IL1RAPL2: variants seen among roughly 807,000 people sequenced by gnomAD.
The protein encoded by IL1RAPL2 is interleukin 1 receptor accessory protein like 2, also known as X-linked interleukin-1 receptor accessory protein-like 2.
Under a neutral mutation model 44.1 loss-of-function variants are expected in IL1RAPL2, and 3 were observed. The observed-to-expected ratio is 0.07, with a 90% CI of 0.03 to 0.18. IL1RAPL2 has a LOEUF of 0.18. IL1RAPL2 is among the 10% of genes least tolerant of loss of function. The probability of loss-of-function intolerance (pLI) is 1.00; values close to 1 mark genes in which losing one functional copy is unlikely to be tolerated. For synonymous variants in IL1RAPL2, 181 were observed against 178.8 expected, an observed-to-expected ratio of 1.01 and a Z score of -0.10; for missense variants, 391 against 496.4, an observed-to-expected ratio of 0.79 and a Z score of 2.02.
intron 5 of IL1RAPL2, among the ~76,000 whole-genome samples, chrX:105,309,628 A>T (rs1197116809): frequency 9.2e-6 from 1 of 108,302 alleles, no homozygotes; most frequent in East Asian, 3.0e-4. Context: ...GCTACTCGGG[A>T]GGCTGAGGCA....
At chrX:104,883,103 C>T (rs985524655) in intron 2 of IL1RAPL2, among the ~76,000 whole-genome samples, 2 of 111,602 alleles carry the variant, frequency 1.8e-5, no homozygotes, top group East Asian at 2.8e-4. Context: ...TTGAAGTCAG[C>T]GAGACCAAGA....
At chrX:105,764,364 C>T (rs1297821324) in intron 10 of IL1RAPL2, among the ~76,000 whole-genome samples, 2 of 111,793 alleles carry the variant, frequency 1.8e-5, no homozygotes, top group African/African-American at 6.5e-5. Context: ...GAAAATGTTA[C>T]CCTGTTCCTT....
At chrX:105,038,521 C>A (rs1399746497) in intron 2 of IL1RAPL2, among the ~76,000 whole-genome samples, 1 of 111,124 alleles carries the variant, frequency 9.0e-6, no homozygotes, top group Non-Finnish European at 1.9e-5. Flanking sequence ...GGTGGAAGAG[C>A]AGTGGCTGTA....
intron 2 of IL1RAPL2, among the ~76,000 whole-genome samples, chrX:105,121,692 T>G (rs1053753782): frequency 1.8e-5 from 2 of 111,435 alleles, no homozygotes; most frequent in Non-Finnish European, 3.8e-5. Flanking sequence ...TCAAGTGGTG[T>G]TAGAAAGAAA....
intron 6 of IL1RAPL2, among the ~76,000 whole-genome samples, chrX:105,547,192 G>A (rs1469734632): frequency 8.9e-6 from 1 of 112,461 alleles, no homozygotes; most frequent in Non-Finnish European, 1.9e-5. Context: ...TGAGCTTTAA[G>A]TACAAATCAA....
intron 5 of IL1RAPL2, among the ~76,000 whole-genome samples, chrX:105,333,976 A>G (rs1445771479): frequency 8.9e-6 from 1 of 111,800 alleles, no homozygotes; most frequent in African/African-American, 3.3e-5. Flanking sequence ...CTCCTATAAA[A>G]AACTAAAAAT....
chrX:105,696,546 C>A (rs1392357232), intron 6 of IL1RAPL2, among the ~76,000 whole-genome samples: 1 of 111,420 alleles, frequency 9.0e-6, no homozygotes, highest in Non-Finnish European at 1.9e-5. Context: ...ATCCACCCCC[C>A]CCACAAAAGT....
chrX:105,411,804 A>G (rs746234411), intron 5 of IL1RAPL2, among the ~76,000 whole-genome samples: 2 of 112,117 alleles, frequency 1.8e-5, no homozygotes, highest in Admixed American at 9.5e-5. Flanking sequence ...GACCAAATGT[A>G]TCTAACAAAC....
At chrX:105,421,046 C>T (rs1193045767) in intron 5 of IL1RAPL2, among the ~76,000 whole-genome samples, 1 of 111,903 alleles carries the variant, frequency 8.9e-6, no homozygotes, top group African/African-American at 3.2e-5. Flanking sequence ...TGTGACACAG[C>T]CTTAGCGTGT....
At chrX:105,403,268 T>G (rs1255766336) in intron 5 of IL1RAPL2, among the ~76,000 whole-genome samples, 1 of 112,026 alleles carries the variant, frequency 8.9e-6, no homozygotes, top group Non-Finnish European at 1.9e-5. Flanking sequence ...GGAAGATACA[T>G]TTTTGTTTCC....
chrX:105,281,090 G>C (rs2034528576), intron 5 of IL1RAPL2, among the ~76,000 whole-genome samples: 1 of 111,894 alleles, frequency 8.9e-6, no homozygotes, highest in Non-Finnish European at 1.9e-5. Flanking sequence ...ATACTGTGCA[G>C]CCATAAAAAA....
intron 6 of IL1RAPL2, among the ~76,000 whole-genome samples, chrX:105,538,552 A>G (rs2036696480): frequency 8.9e-6 from 1 of 111,980 alleles, no homozygotes; most frequent in East Asian, 2.8e-4. Context: ...TTTAAGATAT[A>G]TTCACATTAC....
intron 2 of IL1RAPL2, among the ~76,000 whole-genome samples, chrX:104,929,507 T>A (rs767812922): frequency 8.9e-6 from 1 of 111,822 alleles, no homozygotes; most frequent in East Asian, 2.8e-4. Context: ...AATTCCACTG[T>A]CTTACCTCAA....
At chrX:105,087,870 T>G in intron 2 of IL1RAPL2, among the ~76,000 whole-genome samples, 1 of 112,170 alleles carries the variant, frequency 8.9e-6, no homozygotes, top group Non-Finnish European at 1.9e-5. Flanking sequence ...CTGGAGTTGC[T>G]TTTGTGTTCT....
chrX:105,227,084 G>T (rs1236591457), intron 3 of IL1RAPL2, among the ~76,000 whole-genome samples: 1 of 74,537 alleles, frequency 1.3e-5, no homozygotes, highest in Non-Finnish European at 2.5e-5. Context: ...GGTGGGGGGA[G>T]GGGGGAGGGA....
At chrX:104,862,672 C>T (rs760615064) in intron 2 of IL1RAPL2, among the ~76,000 whole-genome samples, 2 of 111,388 alleles carry the variant, frequency 1.8e-5, no homozygotes, top group Non-Finnish European at 3.8e-5. Flanking sequence ...GTTATGGTGA[C>T]CCTAACAAAT....
At chrX:105,483,335 A>T (rs1396868091) in intron 5 of IL1RAPL2, among the ~76,000 whole-genome samples, 1 of 111,465 alleles carries the variant, frequency 9.0e-6, no homozygotes, top group East Asian at 2.8e-4. Context: ...TTTTTAATTC[A>T]TGGTGCTCAC....
At chrX:104,889,031 C>T (rs761708316) in intron 2 of IL1RAPL2, among the ~76,000 whole-genome samples, 7 of 111,131 alleles carry the variant, frequency 6.3e-5, no homozygotes, top group Non-Finnish European at 9.4e-5. Flanking sequence ...ACCCCATCAG[C>T]GTAATTACAC....
At chrX:104,831,102 A>G (rs1921592693) in intron 2 of IL1RAPL2, among the ~76,000 whole-genome samples, 1 of 111,702 alleles carries the variant, frequency 9.0e-6, no homozygotes, top group Non-Finnish European at 1.9e-5. Context: ...AGCACTTTGA[A>G]CTAATTTTCA....
Sources: gnomAD v4.1 joint callset for allele counts (sites outside exome capture counted in the v4.1 genomes callset) on GRCh38, gnomAD v4.1.1 for gene constraint, MANE v1.5 for transcripts, NCBI Gene and HGNC (gene_info 2026-07-23, HGNC 2026-07-21) for gene names.